The following CADPS variants were observed in gnomAD, a reference collection of about 807,000 sequenced individuals.
CADPS encodes the protein calcium-dependent secretion activator 1.
In CADPS, 57 loss-of-function variants were observed where a neutral mutation model predicts 167.3. That is an observed-to-expected ratio of 0.34 (90% CI 0.28 to 0.42). The LOEUF (loss-of-function observed/expected upper bound fraction) is 0.42, where lower values mean the gene tolerates loss of function less well. Among genes scored for constraint, CADPS ranks in the 20% least tolerant of loss-of-function variants. The pLI is 1.00. For synonymous variants in CADPS, 676 were observed against 635.3 expected (o/e 1.06, Z -0.96); for missense variants, 1,414 against 1,738.1 (o/e 0.81, Z 3.32).
chr3:62,556,937 G>A (rs1158195050), intron 10 of CADPS, among the ~76,000 whole-genome samples: 1 of 150,644 alleles, frequency 6.6e-6, no homozygotes, highest in Non-Finnish European at 1.5e-5. Flanking sequence ...TGGATATATT[G>A]GGCAGGCTCC....
chr3:62,411,704 C>G (rs1386325063), intron 28 of CADPS, among the ~76,000 whole-genome samples: 1 of 152,160 alleles, frequency 6.6e-6, no homozygotes, highest in Non-Finnish European at 1.5e-5. Context: ...GTGTTCTAAT[C>G]AAAGATTCAC....
At chr3:62,778,772 T>C (rs943469089) in intron 1 of CADPS, among the ~76,000 whole-genome samples, 10 of 152,258 alleles carry the variant, frequency 6.6e-5, no homozygotes, top group African/African-American at 2.4e-4. Flanking sequence ...AAGAAACACT[T>C]GCTGAACGAA....
chr3:62,809,243 T>G (rs997966115), intron 1 of CADPS, among the ~76,000 whole-genome samples: 1 of 152,176 alleles, frequency 6.6e-6, no homozygotes, highest in East Asian at 1.9e-4. Flanking sequence ...ATCACGTTGC[T>G]CCTCCTGCCT....
At chr3:62,594,396 C>A (rs908469048) in intron 6 of CADPS, among the ~76,000 whole-genome samples, 3 of 151,926 alleles carry the variant, frequency 2.0e-5, no homozygotes, top group African/African-American at 7.2e-5. Context: ...CTCCTGACCT[C>A]GTGATCCGCC....
chr3:62,656,826 G>A (rs912371506), intron 4 of CADPS, among the ~76,000 whole-genome samples: 1 of 152,128 alleles, frequency 6.6e-6, no homozygotes, highest in Non-Finnish European at 1.5e-5. Flanking sequence ...TTACCCAATT[G>A]GTCTTACTTC....
chr3:62,448,622 G>GC (rs540380831), intron 26 of CADPS, among the ~76,000 whole-genome samples: 1 of 93,572 alleles, frequency 1.1e-5, no homozygotes, highest in Non-Finnish European at 2.2e-5. Context: ...GAACTTTTTT[G>GC]GGGGGGGGTG....
intron 13 of CADPS, among the ~76,000 whole-genome samples, chr3:62,520,567 C>T (rs994312258): frequency 2.0e-5 from 3 of 152,080 alleles, no homozygotes; most frequent in Admixed American, 1.3e-4. Flanking sequence ...CCTATGTCAG[C>T]GCGACAACTT....
intron 1 of CADPS, among the ~76,000 whole-genome samples, chr3:62,780,389 G>T (rs1338707163): frequency 1.3e-5 from 2 of 152,034 alleles, no homozygotes; most frequent in Non-Finnish European, 2.9e-5. Flanking sequence ...CTGAACTCCA[G>T]CCTGGGTGAC....
rs575185942 is a variant in CADPS at position 62,853,229 on chromosome 3, T to C, written c.441+21360A>G. ...AAGAAAGAACTTCCAGAAAATAAAA[T>C]ATAATTCTACCAGGTCAAGTCAGAA... On this transcript the variant is annotated intron_variant, in intron 1 of 29. Coordinates refer to ENST00000383710, the MANE Select transcript of CADPS (RefSeq NM_003716.4). Among the ~76,000 whole-genome samples, 10 of 152,276 alleles carry C rather than the reference T, an allele frequency of 6.6e-5. No homozygotes were observed. The South Asian group carries it at 2.1e-3, about 32-fold the overall frequency.
intron 1 of CADPS, among the ~76,000 whole-genome samples, chr3:62,835,088 T>A (rs968153522): frequency 1.3e-5 from 2 of 152,186 alleles, no homozygotes; most frequent in African/African-American, 4.8e-5. Flanking sequence ...ATTTTCTAAA[T>A]CTTTGCAAAA....
chr3:62,407,229 G>A (rs1334937205), intron 28 of CADPS, among the ~76,000 whole-genome samples: 5 of 152,036 alleles, frequency 3.3e-5, no homozygotes, highest in East Asian at 3.9e-4. Context: ...GGGAGAAAGT[G>A]GAACACGTTA....
At chr3:62,484,744 T>C (rs2062551473) in intron 21 of CADPS, among the ~76,000 whole-genome samples, 1 of 152,188 alleles carries the variant, frequency 6.6e-6, no homozygotes, top group African/African-American at 2.4e-5. Flanking sequence ...CTTCTAGAAT[T>C]GACTCTAATC....
At position 62,578,222 on chromosome 3, in the gene CADPS, G is replaced by T. The variant is rs571487831; in HGVS notation, c.1577+6963C>A. On this transcript the variant is annotated intron_variant, in intron 8 of 29. Transcript: ENST00000383710. Reference sequence around the variant, plus strand: ...TTTTTTTTACAAAAAAGGCTGGAGGGGCTATATCACTGTCACACAAAGTAA... The same window carrying T: ...TTTTTTTTACAAAAAAGGCTGGAGGTGCTATATCACTGTCACACAAAGTAA... 6.7e-5 allele frequency among the ~76,000 whole-genome samples: 10 copies of T among 149,258 alleles called. No homozygotes were observed. The South Asian group carries it at 2.1e-3, about 32-fold the overall frequency.
At chr3:62,476,694 T>C (rs2061367781) in intron 23 of CADPS, among the ~76,000 whole-genome samples, 1 of 152,192 alleles carries the variant, frequency 6.6e-6, no homozygotes, top group South Asian at 2.1e-4. Context: ...TCTCTGAGCA[T>C]CTTCCCATTT....
At chr3:62,563,607 G>A (rs1418815030) in intron 9 of CADPS, among the ~76,000 whole-genome samples, 1 of 152,104 alleles carries the variant, frequency 6.6e-6, no homozygotes, top group Non-Finnish European at 1.5e-5. Flanking sequence ...AAGTTCTTTA[G>A]TGGTGATTTA....
At chr3:62,535,497 A>C (rs1307686309) in intron 12 of CADPS, among the ~76,000 whole-genome samples, 1 of 151,856 alleles carries the variant, frequency 6.6e-6, no homozygotes, top group Admixed American at 6.6e-5. Flanking sequence ...TATTAGTATC[A>C]ATAATATCTT....
In CADPS at chr3:62,874,884, C is replaced by G; in HGVS notation, c.146G>C (p.Gly49Ala). ...SEGSAGSAGL[G>A]GGGAGAGAGV... ...GGCTCCGGCGCCGGCGCCGCCGCCCCCCAGCCCGGCGCTGCCGGCCGAGCC... is the reference window on the plus strand; with the variant it reads ...GGCTCCGGCGCCGGCGCCGCCGCCCGCCAGCCCGGCGCTGCCGGCCGAGCC... Residue 49 changes from glycine (G) to alanine (A), a missense_variant, in exon 1 of 30, where the codon GGG becomes GCG. Gly to Ala is a moderately conservative substitution (Grantham distance 60, BLOSUM62 0). Coordinates refer to ENST00000383710, the MANE Select transcript of CADPS (RefSeq NM_003716.4). This position sits in a 1 kb window ranked among gnomAD's most constrained non-coding sequence, Gnocchi z 7.1. The G allele has an allele frequency of 8.0e-7, 1 of 1,249,402 alleles. No individual in the cohort carries two copies. Among genetic ancestry groups the G allele is most frequent in the Non-Finnish European group, 1.0e-6 (1 of 993,096 alleles). 77.4% of individuals were successfully genotyped at this position (1,249,402 alleles called of 1,614,324 possible).
chr3:62,756,451 T>A lies in CADPS; in HGVS notation c.556-2678A>T, dbSNP rs118069870. ...CCTTTTAACTGTAATGATTATAAACTTTTCCATGAACCCATTCATCCTTTC... is the reference window on the plus strand; with the variant it reads ...CCTTTTAACTGTAATGATTATAAACATTTCCATGAACCCATTCATCCTTTC... On this transcript the variant is annotated intron_variant, in intron 2 of 29. Coordinates refer to ENST00000383710, the MANE Select transcript of CADPS (RefSeq NM_003716.4). Among the ~76,000 whole-genome samples, 440 of 152,308 alleles carry A rather than the reference T, an allele frequency of 2.9e-3. 5 individuals are homozygous for A. In the East Asian group the frequency reaches 0.043, roughly 15 times the overall value.
At chr3:62,746,329 CA>C (rs2081436474) in intron 3 of CADPS, among the ~76,000 whole-genome samples, 1 of 152,134 alleles carries the variant, frequency 6.6e-6, no homozygotes, top group Non-Finnish European at 1.5e-5. Context: ...CTTAATCAGG[CA>C]ATCCATTGAT....
Sources: allele counts gnomAD v4.1 joint callset (sites outside exome capture counted in the v4.1 genomes callset), GRCh38; gene constraint gnomAD v4.1.1; non-coding constraint Gnocchi (gnomAD v3.1); transcripts MANE v1.5; gene names NCBI Gene and HGNC (gene_info 2026-07-23, HGNC 2026-07-21).